Variants in TANC1 observed in about 807,000 individuals in gnomAD.
The protein encoded by TANC1 is protein TANC1.
In TANC1, 77 loss-of-function variants were observed where a neutral mutation model predicts 149.7. The ratio of observed to expected loss-of-function variants is 0.51; its 90% confidence interval spans 0.43 to 0.62. The LOEUF (loss-of-function observed/expected upper bound fraction) is 0.62. TANC1 is among the 20% of genes least tolerant of loss of function. The pLI is 0.00. For synonymous variants in TANC1, 854 were observed against 925.0 expected (o/e 0.92, Z 1.39); for missense variants, 1,985 against 2,321.8 (o/e 0.85, Z 2.98).
intron 2 of TANC1, among the ~76,000 whole-genome samples, chr2:159,034,127 C>T (rs1170699178): frequency 1.6e-4 from 24 of 152,194 alleles, no homozygotes; most frequent in Non-Finnish European, 2.9e-5. Flanking sequence ...TGCCTCTTGG[C>T]CCTGCCTCTA....
chr2:159,090,879 C>T (rs1193327325), intron 3 of TANC1, among the ~76,000 whole-genome samples: 1 of 152,178 alleles, frequency 6.6e-6, no homozygotes, highest in Non-Finnish European at 1.5e-5. Context: ...GGATCCACTT[C>T]GCTTGTATGG....
intron 4 of TANC1, among the ~76,000 whole-genome samples, chr2:159,123,739 G>A (rs1002340757): frequency 2.6e-5 from 4 of 152,158 alleles, no homozygotes; most frequent in Non-Finnish European, 4.4e-5. Context: ...CCCCACCTGA[G>A]TACATAGCTC....
rs549899674 is a variant in TANC1 at position 159,066,350 on chromosome 2, G to C, written c.61+379G>C. Among the ~76,000 whole-genome samples, 18 of 152,202 alleles carry C rather than the reference G, an allele frequency of 1.2e-4. 1 individual carries two copies. Among genetic ancestry groups the C allele is most frequent in the Non-Finnish European group, 2.2e-4 (15 of 68,004 alleles). ...GATCTCTTGAGCCCAGGAGTTCAAGGCTGCAGTGAGCTATGATAAAGCCAC... is the reference window on the plus strand; with the variant it reads ...GATCTCTTGAGCCCAGGAGTTCAAGCCTGCAGTGAGCTATGATAAAGCCAC... On this transcript the variant is annotated intron_variant, in intron 3 of 26. Coordinates refer to ENST00000263635, the MANE Select transcript of TANC1 (RefSeq NM_033394.3).
chr2:159,167,906 TGGGCAGCCAGAG>T (rs1321101978), intron 8 of TANC1, among the ~76,000 whole-genome samples: 1 of 152,168 alleles, frequency 6.6e-6, no homozygotes, highest in Non-Finnish European at 1.5e-5. Context: ...CAGAGCCTGT[TGGGCAGCCAGAG>T]GGTTTTCAGA....
chr2:159,089,999 T>C (rs1375234268), intron 3 of TANC1, among the ~76,000 whole-genome samples: 1 of 152,234 alleles, frequency 6.6e-6, no homozygotes, highest in Admixed American at 6.5e-5. Context: ...GGCTCAATCC[T>C]TGGGAATGTA....
chr2:159,107,038 G>A (rs2047254147), intron 4 of TANC1, among the ~76,000 whole-genome samples: 1 of 146,334 alleles, frequency 6.8e-6, no homozygotes, highest in African/African-American at 2.5e-5. Flanking sequence ...TTGTTTGTTT[G>A]TTTTTGAGAC....
At chr2:159,206,323 G>T (rs998178188) in intron 19 of TANC1, among the ~76,000 whole-genome samples, 8 of 152,248 alleles carry the variant, frequency 5.3e-5, no homozygotes, top group Admixed American at 4.6e-4. Context: ...GAACTGAGGG[G>T]GCTGGGTTTG....
chr2:159,228,757 C>A, intron 25 of TANC1, 39 bp from the exon 26 acceptor site: 2 of 1,473,028 alleles, frequency 1.4e-6, no homozygotes, highest in South Asian at 2.3e-5. Flanking sequence ...ATCGTGTGTC[C>A]AGGCTGCTTC....
intron 2 of TANC1, among the ~76,000 whole-genome samples, chr2:159,023,967 CAA>C (rs113392917): frequency 4.3e-4 from 45 of 105,268 alleles, no homozygotes; most frequent in African/African-American, 1.2e-3. Context: ...GACTCCATCT[CAA>C]AAAAAAAAAA....
chr2:159,048,689 C>G (rs758007641), intron 2 of TANC1, among the ~76,000 whole-genome samples: 2 of 152,134 alleles, frequency 1.3e-5, no homozygotes, highest in Non-Finnish European at 2.9e-5. Flanking sequence ...ACATATAGAC[C>G]TAAATTTTGT....
rs777200414 is a variant in TANC1 at position 159,163,402 on chromosome 2, A to G, written c.802A>G (p.Asn268Asp). Reference sequence around the variant, plus strand: ...AGTGCTTCATGACCGCAGGGCAGATAACTGCTCCCCAGTGGCAGAAGAGGA... The same window carrying G: ...AGTGCTTCATGACCGCAGGGCAGATGACTGCTCCCCAGTGGCAGAAGAGGA... Reference protein sequence around the residue: ...KGVLHDRRADNCSPVAEEETT... With the variant: ...KGVLHDRRADDCSPVAEEETT... Residue 268 changes from asparagine (N) to aspartate (D), a missense_variant, in exon 8 of 27, where the codon AAC becomes GAC. By Grantham distance (23) the Asn-to-Asp change is conservative (BLOSUM62 1). Around this residue, in one of 3 missense-constraint regions of TANC1, gnomAD observed 557 missense variants for 612.9 expected, o/e 0.91. Transcript: ENST00000263635. The G allele has an allele frequency of 8.1e-6, 13 of 1,614,212 alleles. No homozygotes were observed. The highest frequency in any genetic ancestry group is 1.1e-5 in the Non-Finnish European group (13 of 1,180,038).
chr2:159,059,930 G>GTGTGTGT (rs3058724), intron 2 of TANC1, among the ~76,000 whole-genome samples: 20 of 125,072 alleles, frequency 1.6e-4, no homozygotes, highest in Non-Finnish European at 2.4e-4. Context: ...GTGTGTGTGT[G>GTGTGTGT]GTTTTTTGTT....
Position 159,159,482 on chromosome 2 carries a change from C to T in TANC1, c.683-3801C>T, listed in dbSNP as rs1016445023. On this transcript the variant is annotated intron_variant, in intron 7 of 26. Transcript: ENST00000263635. ...ACTTTGGGAAGGTGAAGAAAGAGTG[C>T]AGTCGTATTTCAGAGCCTTGCAGAG... Among the ~76,000 whole-genome samples the T allele has an allele frequency of 1.3e-4, 20 of 150,992 alleles. No individual in the cohort carries two copies. The Middle Eastern group carries it at 0.01, about 78-fold the overall frequency.
At chr2:159,055,015 G>A (rs1289327476) in intron 2 of TANC1, among the ~76,000 whole-genome samples, 1 of 152,190 alleles carries the variant, frequency 6.6e-6, no homozygotes, top group African/African-American at 2.4e-5. Context: ...TGGGAGTTGC[G>A]ATTGCACATC....
At chr2:159,172,074 C>T (rs1427579889) in intron 10 of TANC1, 47 bp from the exon 11 acceptor site, 1 of 1,573,858 alleles carries the variant, frequency 6.4e-7, no homozygotes, top group African/African-American at 1.4e-5. Flanking sequence ...AATACCACAC[C>T]CTGCTCCTAC....
chr2:159,108,988 T>C lies in TANC1; in HGVS notation c.259+11154T>C, dbSNP rs183660313. Among the ~76,000 whole-genome samples the C allele has an allele frequency of 5.2e-3, 788 of 152,314 alleles. 7 individuals are homozygous for C. Among genetic ancestry groups the C allele is most frequent in the African/African-American group, 0.017 (726 of 41,564 alleles). The stretch of plus-strand genomic sequence containing the variant: ...GACAAGGGCTCTGAGAAGTATAATT[T>C]AGGAAACACTCTTCAAAGGAGATGT... On this transcript the variant is annotated intron_variant, in intron 4 of 26. Coordinates refer to ENST00000263635, the MANE Select transcript of TANC1 (RefSeq NM_033394.3).
At chr2:159,094,424 G>C (rs957967268) in intron 3 of TANC1, among the ~76,000 whole-genome samples, 1 of 152,174 alleles carries the variant, frequency 6.6e-6, no homozygotes, top group Non-Finnish European at 1.5e-5. Flanking sequence ...TGTGGTTCTT[G>C]TAGGCACAGC....
chr2:159,006,061 G>A (rs1032008440), intron 2 of TANC1, among the ~76,000 whole-genome samples: 6 of 152,058 alleles, frequency 3.9e-5, no homozygotes, highest in Non-Finnish European at 7.4e-5. Context: ...TTGGGAGGCC[G>A]AGGCCCATGG....
chr2:159,175,255 C>CA, intron 12 of TANC1, 71 bp downstream of exon 12: 1 of 1,308,906 alleles, frequency 7.6e-7, no homozygotes, highest in Non-Finnish European at 1.1e-6. Context: ...CCCCAGAAGG[C>CA]AGGTGGTCAG....
Sources: gnomAD v4.1 joint callset for allele counts (sites outside exome capture counted in the v4.1 genomes callset) on GRCh38, gnomAD v4.1.1 for gene constraint, gnomAD v4.1.1 regional missense constraint, MANE v1.5 for transcripts, NCBI Gene and HGNC (gene_info 2026-07-23, HGNC 2026-07-21) for gene names.